ITGBL1: variants seen among roughly 807,000 people sequenced by gnomAD.
ITGBL1 encodes the protein integrin beta-like protein 1.
Under a neutral mutation model 68.5 loss-of-function variants are expected in ITGBL1, and 51 were observed. The observed-to-expected ratio is 0.74, with a 90% CI of 0.59 to 0.94. ITGBL1 has a LOEUF of 0.94. Among genes scored for constraint, ITGBL1 ranks in the 40% least tolerant of loss-of-function variants. The pLI is 0.00. For missense variants in ITGBL1, 649 were observed against 647.4 expected (o/e 1.00, Z -0.03); for synonymous variants, 209 against 227.3 (o/e 0.92, Z 0.72).
intron 7 of ITGBL1, among the ~76,000 whole-genome samples, chr13:101,610,556 T>C (rs1402307760): frequency 6.6e-6 from 1 of 152,200 alleles, no homozygotes; most frequent in Non-Finnish European, 1.5e-5. Flanking sequence ...CATGTATCTC[T>C]GGGCTAAGCT....
intron 7 of ITGBL1, among the ~76,000 whole-genome samples, chr13:101,643,971 A>G (rs549020281): frequency 6.6e-6 from 1 of 152,246 alleles, no homozygotes; most frequent in South Asian, 2.1e-4. Context: ...CGTTAGCTCC[A>G]TTTCAAACTT....
At chr13:101,658,436 T>C (rs1487669657) in intron 7 of ITGBL1, among the ~76,000 whole-genome samples, 2 of 152,194 alleles carry the variant, frequency 1.3e-5, no homozygotes, top group African/African-American at 4.8e-5. Flanking sequence ...ACTTATGTGT[T>C]TTAAAAAAAT....
chr13:101,656,764 A>G (rs1465244048), intron 7 of ITGBL1, among the ~76,000 whole-genome samples: 3 of 152,160 alleles, frequency 2.0e-5, no homozygotes, highest in Non-Finnish European at 4.4e-5. Context: ...GTCTTTCAAG[A>G]GTATGTAATA....
intron 2 of ITGBL1, among the ~76,000 whole-genome samples, chr13:101,476,781 C>T (rs1326284654): frequency 6.6e-6 from 1 of 152,044 alleles, no homozygotes; most frequent in African/African-American, 2.4e-5. Flanking sequence ...AAGGAGTCAA[C>T]TCAGCAAGAA....
chr13:101,652,945 A>G (rs949853386), intron 7 of ITGBL1, among the ~76,000 whole-genome samples: 12 of 152,004 alleles, frequency 7.9e-5, no homozygotes, highest in African/African-American at 2.9e-4. Context: ...TAAAAATACA[A>G]AATTAGCCAG....
intron 2 of ITGBL1, among the ~76,000 whole-genome samples, chr13:101,532,965 A>G (rs374472659): frequency 6.6e-6 from 1 of 152,220 alleles, no homozygotes; most frequent in Non-Finnish European, 1.5e-5. Flanking sequence ...CATATTTCCA[A>G]TGGCTGCATA....
At chr13:101,563,864 A>G (rs2050138544) in intron 2 of ITGBL1, among the ~76,000 whole-genome samples, 1 of 151,932 alleles carries the variant, frequency 6.6e-6, no homozygotes, top group South Asian at 2.1e-4. Flanking sequence ...GCATGCCAGT[A>G]TGATTTATAA....
intron 2 of ITGBL1, among the ~76,000 whole-genome samples, chr13:101,487,437 T>C (rs1321430942): frequency 6.6e-6 from 1 of 152,214 alleles, no homozygotes; most frequent in Non-Finnish European, 1.5e-5. Flanking sequence ...TTCAAAAATA[T>C]GATTGTAATT....
chr13:101,499,877 A>G (rs2048913663), intron 2 of ITGBL1, among the ~76,000 whole-genome samples: 3 of 152,214 alleles, frequency 2.0e-5, no homozygotes, highest in Admixed American at 2.0e-4. Flanking sequence ...CCTGAGATGG[A>G]GGACATTCCT....
chr13:101,582,425 T>G (rs73554066), intron 5 of ITGBL1, among the ~76,000 whole-genome samples: 448 of 152,276 alleles, frequency 2.9e-3, no homozygotes, highest in African/African-American at 9.9e-3. Flanking sequence ...GGATTTAACT[T>G]TATGTCTCTA....
intron 6 of ITGBL1, among the ~76,000 whole-genome samples, chr13:101,595,128 T>C (rs1408922170): frequency 6.6e-6 from 1 of 152,104 alleles, no homozygotes; most frequent in Non-Finnish European, 1.5e-5. Flanking sequence ...CTATTTTGAC[T>C]CACATTTCTG....
intron 7 of ITGBL1, among the ~76,000 whole-genome samples, chr13:101,621,462 C>T (rs1038654779): frequency 3.9e-5 from 6 of 152,084 alleles, no homozygotes; most frequent in Non-Finnish European, 8.8e-5. Context: ...AAAAGCTCAA[C>T]TTTTATTATA....
intron 6 of ITGBL1, among the ~76,000 whole-genome samples, chr13:101,592,068 C>T (rs1335081936): frequency 6.6e-6 from 1 of 152,056 alleles, no homozygotes; most frequent in East Asian, 1.9e-4. Context: ...ATTTGACCAG[C>T]CCCACTCTGT....
intron 7 of ITGBL1, among the ~76,000 whole-genome samples, chr13:101,679,961 AC>A (rs1262016700): frequency 6.6e-6 from 1 of 152,194 alleles, no homozygotes; most frequent in African/African-American, 2.4e-5. Context: ...ATCCTTGTGT[AC>A]TAAGAAAACA....
rs115252981 is a variant in ITGBL1 at position 101,587,935 on chromosome 13, C to T, written c.868+4579C>T. On this transcript the variant is annotated intron_variant, in intron 6 of 10. Transcript: ENST00000376180. Reference sequence around the variant, plus strand: ...GTTACTTTGTAAACATGTTAACAGACGATTCAAATTCACAGGCATTTTTTG... The same window carrying T: ...GTTACTTTGTAAACATGTTAACAGATGATTCAAATTCACAGGCATTTTTTG... 5.1e-3 allele frequency among the ~76,000 whole-genome samples: 771 copies of T among 152,220 alleles called. 7 individuals are homozygous for T. The highest frequency in any genetic ancestry group is 0.018 in the African/African-American group (737 of 41,534).
chr13:101,498,210 A>G (rs1195018282), intron 2 of ITGBL1, among the ~76,000 whole-genome samples: 2 of 152,112 alleles, frequency 1.3e-5, no homozygotes, highest in Non-Finnish European at 2.9e-5. Flanking sequence ...AGTTGTCTCC[A>G]CTTCAAACTT....
chr13:101,661,552 A>G (rs148989724), intron 7 of ITGBL1, among the ~76,000 whole-genome samples: 20 of 152,256 alleles, frequency 1.3e-4, no homozygotes, highest in African/African-American at 4.8e-4. Flanking sequence ...CCTGAAGGAT[A>G]TTACTTCCTA....
intron 2 of ITGBL1, among the ~76,000 whole-genome samples, chr13:101,460,993 A>G (rs1271593468): frequency 6.6e-6 from 1 of 152,226 alleles, no homozygotes; most frequent in Non-Finnish European, 1.5e-5. Context: ...TCCAAACTAT[A>G]TCACACAGAG....
chr13:101,580,630 C>T (rs1486036119), intron 5 of ITGBL1, among the ~76,000 whole-genome samples: 1 of 152,142 alleles, frequency 6.6e-6, no homozygotes, highest in African/African-American at 2.4e-5. Flanking sequence ...TGATGTTCTC[C>T]TTCCTGTGTC....
Sources: gnomAD v4.1 joint callset for allele counts (sites outside exome capture counted in the v4.1 genomes callset) on GRCh38, gnomAD v4.1.1 for gene constraint, MANE v1.5 for transcripts, NCBI Gene and HGNC (gene_info 2026-07-23, HGNC 2026-07-21) for gene names.